The following BRAF variants were observed in gnomAD, a reference collection of about 807,000 sequenced individuals.
BRAF encodes the protein serine/threonine-protein kinase B-raf.
A neutral mutation model predicts 104.6 loss-of-function variants in BRAF; 16 were observed. That is an observed-to-expected ratio of 0.15 (90% confidence interval 0.10 to 0.23). The LOEUF (loss-of-function observed/expected upper bound fraction) is 0.23. BRAF is among the 10% of genes least tolerant of loss of function. BRAF has a pLI of 1.00. For synonymous variants in BRAF, 310 were observed against 341.6 expected, an observed-to-expected ratio of 0.91 and a Z score of 1.02; for missense variants, 541 against 937.3, an observed-to-expected ratio of 0.58 and a Z score of 5.52.
intron 14 of BRAF, 38 bp downstream of exon 13, chr7:140,776,874 A>G: frequency 6.3e-7 from 1 of 1,589,990 alleles, no homozygotes; most frequent in South Asian, 1.1e-5. Context: ...AATGGTCTTC[A>G]AAAATAATTT....
chr7:140,848,811 A>G (rs546659750), intron 2 of BRAF, among the ~76,000 whole-genome samples: 6 of 152,238 alleles, frequency 3.9e-5, no homozygotes, highest in Non-Finnish European at 7.3e-5. Context: ...TAGCTTTGAT[A>G]TTAACTAGGA....
intron 12 of BRAF, chr7:140,781,217 C>A: frequency 3.5e-6 from 1 of 288,044 alleles, no homozygotes; most frequent in South Asian, 3.6e-5. Flanking sequence ...AGGCATAAGC[C>A]ACTGCGCCCA....
Position 140,791,320 on chromosome 7 carries a change from C to G in BRAF, c.1140+2988G>C, listed in dbSNP as rs558397983. 7.2e-5 allele frequency among the ~76,000 whole-genome samples: 11 copies of G among 152,262 alleles called. No individual in the cohort carries two copies. The South Asian group carries it at 2.3e-3, about 32-fold the overall frequency. Reference sequence around the variant, plus strand: ...ATTTCAATTGCCAAAATTGATAGTCCTTTCAGTCTTTATCTCATTTGAATC... The same window carrying G: ...ATTTCAATTGCCAAAATTGATAGTCGTTTCAGTCTTTATCTCATTTGAATC... On this transcript the variant is annotated intron_variant, in intron 8 of 19. Transcript: ENST00000644969.
At chr7:140,738,720 G>A (rs140851378) in intron 18 of BRAF, among the ~76,000 whole-genome samples, 1 of 152,190 alleles carries the variant, frequency 6.6e-6, no homozygotes, top group African/African-American at 2.4e-5. Flanking sequence ...GGGTTCAAGC[G>A]ATTCTCATGT....
intron 2 of BRAF, among the ~76,000 whole-genome samples, chr7:140,840,659 C>T (rs528745899): frequency 3.3e-5 from 5 of 151,528 alleles, no homozygotes; most frequent in South Asian, 2.1e-4. Flanking sequence ...GGCACAGTGA[C>T]GCATGCCTGT....
At position 140,787,954 on chromosome 7, in the gene BRAF, G is replaced by A. The variant is rs560088379; in HGVS notation, c.1141-370C>T. On this transcript the variant is annotated intron_variant, in intron 8 of 19. Transcript: ENST00000644969. The stretch of plus-strand genomic sequence containing the variant: ...AATGATAAGAACAAGTGGACACATG[G>A]GGGAAACAACACATACTGGGGCCTG... Among the ~76,000 whole-genome samples, 16 of 152,200 alleles carry A rather than the reference G, an allele frequency of 1.1e-4. No homozygotes were observed. The South Asian group carries it at 1.5e-3, about 14-fold the overall frequency.
At chr7:140,787,921 G>C (rs758073724) in intron 8 of BRAF, among the ~76,000 whole-genome samples, 2 of 152,154 alleles carry the variant, frequency 1.3e-5, no homozygotes, top group Non-Finnish European at 2.9e-5. Flanking sequence ...ACTTATAAGT[G>C]GGAGCTGAAT....
intron 18 of BRAF, among the ~76,000 whole-genome samples, chr7:140,738,171 G>A (rs1796598911): frequency 6.6e-6 from 1 of 152,124 alleles, no homozygotes; most frequent in Non-Finnish European, 1.5e-5. Context: ...CTTCCTCAAA[G>A]GAACAGTAAC....
chr7:140,896,383 C>T (rs550569999), intron 1 of BRAF, among the ~76,000 whole-genome samples: 2 of 152,238 alleles, frequency 1.3e-5, no homozygotes, highest in East Asian at 3.9e-4. Flanking sequence ...TACCAATCCT[C>T]CACATCCAAA....
intron 18 of BRAF, among the ~76,000 whole-genome samples, chr7:140,736,606 T>C (rs2130881979): frequency 6.6e-6 from 1 of 151,860 alleles, no homozygotes; most frequent in South Asian, 2.1e-4. Flanking sequence ...TTTGTATTCT[T>C]AGTAGAGTCA....
intron 1 of BRAF, among the ~76,000 whole-genome samples, chr7:140,923,708 C>T (rs1166435929): frequency 6.6e-6 from 1 of 152,050 alleles, no homozygotes; most frequent in African/African-American, 2.4e-5. Flanking sequence ...CCAAAGTGTC[C>T]AGGAGGATTT....
chr7:140,819,455 A>G (rs1267732000), intron 3 of BRAF, among the ~76,000 whole-genome samples: 1 of 152,216 alleles, frequency 6.6e-6, no homozygotes. Context: ...AGCCATTTTG[A>G]AAAACATTCT....
At chr7:140,923,689 C>G (rs1242792456) in intron 1 of BRAF, among the ~76,000 whole-genome samples, 1 of 152,168 alleles carries the variant, frequency 6.6e-6, no homozygotes, top group African/African-American at 2.4e-5. Flanking sequence ...GCTCAGAAAA[C>G]AAGTAGCTCC....
At chr7:140,801,087 CA>C (rs1429294453) in intron 6 of BRAF, 3 of 253,662 alleles carry the variant, frequency 1.2e-5, no homozygotes, top group African/African-American at 2.3e-5. Flanking sequence ...ATCTGTGGTA[CA>C]AAATCATAAT....
chr7:140,833,699 T>C (rs767466200), intron 3 of BRAF, among the ~76,000 whole-genome samples: 8 of 152,234 alleles, frequency 5.3e-5, no homozygotes, highest in African/African-American at 7.2e-5. Flanking sequence ...AGAAAAAGTA[T>C]GACTTTTTAT....
chr7:140,886,415 A>G (rs956089971), intron 1 of BRAF, among the ~76,000 whole-genome samples: 3 of 152,216 alleles, frequency 2.0e-5, no homozygotes, highest in African/African-American at 7.2e-5. Context: ...CCAGTAACTC[A>G]GAATACAACC....
intron 17 of BRAF, among the ~76,000 whole-genome samples, chr7:140,744,383 A>T (rs2130924510): frequency 6.6e-6 from 1 of 152,370 alleles, no homozygotes; most frequent in South Asian, 2.1e-4. Context: ...GGAAGCTCCA[A>T]CAAGAACGCT....
At chr7:140,835,617 A>G (rs900275207) in intron 2 of BRAF, 1 of 152,120 alleles carries the variant, frequency 6.6e-6, no homozygotes. Context: ...TGTGGCTTAT[A>G]CCCTACAGCC....
At chr7:140,838,734 A>C (rs1807613781) in intron 2 of BRAF, among the ~76,000 whole-genome samples, 1 of 152,246 alleles carries the variant, frequency 6.6e-6, no homozygotes, top group Admixed American at 6.5e-5. Flanking sequence ...ATAGTAATCA[A>C]GACAGCGCAA....
Sources: allele counts gnomAD v4.1 joint callset (sites outside exome capture counted in the v4.1 genomes callset), GRCh38; gene constraint gnomAD v4.1.1; transcripts MANE v1.5; gene names NCBI Gene and HGNC (gene_info 2026-07-23, HGNC 2026-07-21).